The following KCNQ1 variants were observed in gnomAD, a reference collection of about 807,000 sequenced individuals.
KCNQ1 encodes potassium voltage-gated channel subfamily KQT member 1.
KCNQ1 carries 49 observed loss-of-function variants against 72.4 expected under a neutral mutation model. The observed-to-expected ratio is 0.68, with a 90% CI of 0.54 to 0.86. The LOEUF is 0.86. Ranked by LOEUF, KCNQ1 falls within the 40% of genes least tolerant of loss-of-function variation. KCNQ1 has a pLI of 0.00. For missense variants in KCNQ1, 790 were observed against 945.1 expected, an observed-to-expected ratio of 0.84 and a Z score of 2.15; for synonymous variants, 450 against 412.6, an observed-to-expected ratio of 1.09 and a Z score of -1.10.
At position 2,664,544 on chromosome 11, in the gene KCNQ1, G is replaced by T; in HGVS notation, c.1514+2463G>T. The T allele has an allele frequency of 2.5e-6, 1 of 398,764 alleles. No homozygotes were observed. Among genetic ancestry groups the T allele is most frequent in the Non-Finnish European group, 4.4e-6 (1 of 226,174 alleles). The allele number at this position is 398,764 out of a possible 1,614,324, so 24.7% of individuals were successfully genotyped here. ...CAGGGCCCAAACCGCCTGGCGGCAG[G>T]GGTGTGGGGGCCGTGCAGGTCTTCT... On this transcript the variant is annotated intron_variant, in intron 11 of 15. Transcript: ENST00000155840. The surrounding 1 kb of genome is among the most constrained non-coding windows in gnomAD (Gnocchi z 5.1).
At position 2,585,313 on chromosome 11, in the gene KCNQ1, G is replaced by C; in HGVS notation, c.1128+6G>C. On this transcript the variant is annotated splice_donor_region_variant and intron_variant, in intron 8 of 15. Coordinates refer to ENST00000155840, the MANE Select transcript of KCNQ1 (RefSeq NM_000218.3). ...CGGCAGCCTCACTCATTCAGGTGCGGTGCCTGCAAGGCCCTGGTCACTGTC... is the reference window on the plus strand; with the variant it reads ...CGGCAGCCTCACTCATTCAGGTGCGCTGCCTGCAAGGCCCTGGTCACTGTC... 2 of 1,611,580 alleles carry C rather than the reference G, an allele frequency of 1.2e-6. No individual in the cohort carries two copies. The highest frequency in any genetic ancestry group is 1.7e-6 in the Non-Finnish European group (2 of 1,177,966).
chr11:2,795,799 C>T (rs375783059), intron 15 of KCNQ1, among the ~76,000 whole-genome samples: 13 of 152,228 alleles, frequency 8.5e-5, no homozygotes, highest in East Asian at 1.9e-4. Flanking sequence ...AGGAACCCCA[C>T]GGGTTCCTTG....
At position 2,704,965 on chromosome 11, in the gene KCNQ1, G is replaced by T. The variant is rs1453902245; in HGVS notation, c.1514+42884G>T. On this transcript the variant is annotated intron_variant, in intron 11 of 15. Coordinates refer to ENST00000155840, the MANE Select transcript of KCNQ1 (RefSeq NM_000218.3). This position sits in a 1 kb window ranked among gnomAD's most constrained non-coding sequence, Gnocchi z 4.3. Reference sequence around the variant, plus strand: ...GACAACTCTGTGGCTCTGGGGCACTGTCACCCTGTGGCATGGCCTGTTTGT... The same window carrying T: ...GACAACTCTGTGGCTCTGGGGCACTTTCACCCTGTGGCATGGCCTGTTTGT... Among the ~76,000 whole-genome samples, 1 of 152,140 alleles carries T rather than the reference G, an allele frequency of 6.6e-6. No individual in the cohort carries two copies. The highest frequency in any genetic ancestry group is 1.5e-5 in the Non-Finnish European group (1 of 68,008).
intron 11 of KCNQ1, chr11:2,662,659 C>T (rs1412755001): frequency 1.5e-5 from 6 of 406,566 alleles, no homozygotes; most frequent in African/African-American, 2.1e-5. Context: ...TCCCCTGCGA[C>T]ATGTGACTCC....
rs969464603 is a variant in KCNQ1 at position 2,734,743 on chromosome 11, G to A, written c.1515-34101G>A. ...AATCCTGGAAGCTGCTATGTAGACA[G>A]AAGCGAGGGCAAGACCACCGCTCCT... On this transcript the variant is annotated intron_variant, in intron 11 of 15. Coordinates refer to ENST00000155840, the MANE Select transcript of KCNQ1 (RefSeq NM_000218.3). The surrounding 1 kb of genome is among the most constrained non-coding windows in gnomAD (Gnocchi z 7.0). Among the ~76,000 whole-genome samples, 1 of 151,948 alleles carries A rather than the reference G, an allele frequency of 6.6e-6. No homozygotes were observed. The highest frequency in any genetic ancestry group is 1.5e-5 in the Non-Finnish European group (1 of 67,984).
intron 10 of KCNQ1, chr11:2,615,390 T>A (rs1425210738): frequency 2.5e-6 from 1 of 397,954 alleles, no homozygotes; most frequent in African/African-American, 2.1e-5. Flanking sequence ...CATTTACCTG[T>A]TTGTTTATTT....
Position 2,783,152 on chromosome 11 carries a change from A to T in KCNQ1, c.1794+5115A>T, listed in dbSNP as rs1037329598. Among the ~76,000 whole-genome samples, 1 of 152,044 alleles carries T rather than the reference A, an allele frequency of 6.6e-6. No homozygotes were observed. Among genetic ancestry groups the T allele is most frequent in the Admixed American group, 6.5e-5 (1 of 15,280 alleles). ...TCCAAACTACATCTCCCACATTTTG[A>T]TATATGGCATTTAATTTTAATCTTC... is the stretch of plus-strand genomic sequence containing the variant. On this transcript the variant is annotated intron_variant, in intron 15 of 15. Transcript: ENST00000155840. The surrounding 1 kb of genome is among the most constrained non-coding windows in gnomAD (Gnocchi z 5.2).
Position 2,645,475 on chromosome 11 carries a change from C to G in KCNQ1, c.1394-16486C>G. On this transcript the variant is annotated intron_variant, in intron 10 of 15. Transcript: ENST00000155840. This position sits in a 1 kb window ranked among gnomAD's most constrained non-coding sequence, Gnocchi z 5.8. ...AGGCACAGGAAGATCCCTGTATACC[C>G]TGCTGAATGCTCATGTTGGGGCAGC... 2 of 398,710 alleles carry G rather than the reference C, an allele frequency of 5.0e-6. No homozygotes were observed. Among genetic ancestry groups the G allele is most frequent in the Non-Finnish European group, 8.8e-6 (2 of 226,156 alleles). The allele number at this position is 398,710 out of a possible 1,614,324, so 24.7% of individuals were successfully genotyped here. A position where few individuals can be genotyped will look rare whatever the true frequency, so the allele number is the denominator to read the frequency against.
rs373669714 is a variant in KCNQ1, at chr11:2,768,254, T to C, written c.1515-590T>C. ...CAGACACATCATCCCCTTTGTTTCC[T>C]TTTGTGATGCTGTTTCTAAAAGGAT... is the stretch of plus-strand genomic sequence containing the variant. On this transcript the variant is annotated intron_variant, in intron 11 of 15. Transcript: ENST00000155840. The surrounding 1 kb of genome is among the most constrained non-coding windows in gnomAD (Gnocchi z 6.7). 2.6e-5 allele frequency among the ~76,000 whole-genome samples: 4 copies of C among 152,348 alleles called. No individual in the cohort carries two copies. The highest frequency in any genetic ancestry group is 9.6e-5 in the African/African-American group (4 of 41,588).
chr11:2,778,067 C>G (rs751027402), intron 15 of KCNQ1, 30 bp downstream of exon 15: 1 of 1,609,136 alleles, frequency 6.2e-7, no homozygotes, highest in East Asian at 2.2e-5. Flanking sequence ...TGCGGTGGTT[C>G]TGGTTAGCGT....
intron 15 of KCNQ1, among the ~76,000 whole-genome samples, chr11:2,802,213 A>G (rs945140667): frequency 6.6e-6 from 1 of 152,202 alleles, no homozygotes; most frequent in Non-Finnish European, 1.5e-5. Flanking sequence ...TGACAATGCG[A>G]AGCCCACCTG....
chr11:2,445,181 C>CT lies in KCNQ1; in HGVS notation c.83_84insT (p.Leu30ProfsTer255). The stretch of plus-strand genomic sequence containing the variant: ...CTGCCAGGCGCCCGGCGGGGCAGCG[C>CT]GGGCCTGGCCAAGAAGTGCCCCTTC... On this transcript the variant is annotated frameshift_variant, in exon 1 of 16. Coordinates refer to ENST00000155840, the MANE Select transcript of KCNQ1 (RefSeq NM_000218.3). LOFTEE classifies it high-confidence loss of function. 8.8e-7 allele frequency: 1 copy of CT among 1,140,936 alleles called. No homozygotes were observed. The highest frequency in any genetic ancestry group is 1.1e-6 in the Non-Finnish European group (1 of 925,744). The allele number at this position is 1,140,936 out of a possible 1,614,324, so 70.7% of individuals were successfully genotyped here.
intron 15 of KCNQ1, among the ~76,000 whole-genome samples, chr11:2,798,583 T>C (rs1001416425): frequency 3.9e-5 from 6 of 152,146 alleles, no homozygotes; most frequent in Non-Finnish European, 7.4e-5. Flanking sequence ...TATTTCCTCA[T>C]TAACATAATT....
intron 15 of KCNQ1, among the ~76,000 whole-genome samples, chr11:2,842,112 G>A (rs1198292398): frequency 6.6e-6 from 1 of 152,198 alleles, no homozygotes; most frequent in Non-Finnish European, 1.5e-5. Flanking sequence ...CAGAGACAAG[G>A]TTGAGGATTT....
chr11:2,467,606 T>G (rs1589896053), intron 1 of KCNQ1, among the ~76,000 whole-genome samples: 1 of 151,874 alleles, frequency 6.6e-6, no homozygotes, highest in East Asian at 1.9e-4. Flanking sequence ...GGAGCTGGGG[T>G]TTGGCAAAGG....
Position 2,683,831 on chromosome 11 carries a change from T to G in KCNQ1, c.1514+21750T>G. On this transcript the variant is annotated intron_variant, in intron 11 of 15. Coordinates refer to ENST00000155840, the MANE Select transcript of KCNQ1 (RefSeq NM_000218.3). The surrounding 1 kb of genome is among the most constrained non-coding windows in gnomAD (Gnocchi z 4.7). ...GCCACTAGCTTGCAGAATGGCTTTG[T>G]TGGATTCCCCTCCCTGGCCCCACAC... The G allele has an allele frequency of 2.5e-6, 1 of 398,680 alleles. No homozygotes were observed. 24.7% of individuals were successfully genotyped at this position (398,680 alleles called of 1,614,324 possible). A position where few individuals can be genotyped will look rare whatever the true frequency, so the allele number is the denominator to read the frequency against.
intron 11 of KCNQ1, among the ~76,000 whole-genome samples, chr11:2,700,200 G>A (rs929711504): frequency 6.6e-6 from 1 of 152,192 alleles, no homozygotes. Context: ...TGGCCCAGCG[G>A]GTCCAGCGCC....
At chr11:2,697,261 A>G (rs1022304049) in intron 11 of KCNQ1, 7 of 398,502 alleles carry the variant, frequency 1.8e-5, no homozygotes, top group Non-Finnish European at 3.1e-5. Flanking sequence ...GGGGGTTTCA[A>G]TAACTTTTAA....
chr11:2,658,570 T>A lies in KCNQ1; in HGVS notation c.1394-3391T>A. On this transcript the variant is annotated intron_variant, in intron 10 of 15. Coordinates refer to ENST00000155840, the MANE Select transcript of KCNQ1 (RefSeq NM_000218.3). The surrounding 1 kb of genome is among the most constrained non-coding windows in gnomAD (Gnocchi z 4.9). ...CCCTAGCCCTAGAATCATCCATTCATCCAGAGAGCCCTGGCTCCCTGGAGA... is the reference window on the plus strand; with the variant it reads ...CCCTAGCCCTAGAATCATCCATTCAACCAGAGAGCCCTGGCTCCCTGGAGA... The A allele has an allele frequency of 2.9e-6, 1 of 339,514 alleles. No homozygotes were observed. The highest frequency in any genetic ancestry group is 4.1e-5 in the East Asian group (1 of 24,286). 21.0% of individuals were successfully genotyped at this position (339,514 alleles called of 1,614,324 possible).
Sources: gnomAD v4.1 joint callset for allele counts (sites outside exome capture counted in the v4.1 genomes callset) on GRCh38, gnomAD v4.1.1 for gene constraint, Gnocchi (gnomAD v3.1) non-coding constraint, MANE v1.5 for transcripts, NCBI Gene and HGNC (gene_info 2026-07-23, HGNC 2026-07-21) for gene names.